ITSN1: variants seen among roughly 807,000 people sequenced by gnomAD.
ITSN1 encodes intersectin-1.
ITSN1 carries 58 observed loss-of-function variants against 239.8 expected under a neutral mutation model. That is an observed-to-expected ratio of 0.24 (90% CI 0.20 to 0.30). The LOEUF (loss-of-function observed/expected upper bound fraction) is 0.30, where lower values mean the gene tolerates loss of function less well. ITSN1 is among the 10% of genes least tolerant of loss of function. ITSN1 has a pLI of 1.00. For synonymous variants in ITSN1, 780 were observed against 770.8 expected (o/e 1.01, Z -0.20); for missense variants, 1,558 against 2,103.3 (o/e 0.74, Z 5.07).
rs3057468 is a variant in ITSN1 at position 33,867,638 on chromosome 21, T to TA, written c.4173+325dup. 1.6e-3 allele frequency among the ~76,000 whole-genome samples: 233 copies of TA among 142,842 alleles called. 1 individual carries two copies. Among genetic ancestry groups the TA allele is most frequent in the South Asian group, 5.0e-3 (22 of 4,424 alleles). 93.7% of individuals were successfully genotyped at this position (142,842 alleles called of 152,430 possible). A position where few individuals can be genotyped will look rare whatever the true frequency, so the allele number is the denominator to read the frequency against. ...CAGCATAATGAGACCCTATCTCTAT[T>TA]AAAAAAAAAAAAAAAAAAGAGAGCT... is the stretch of plus-strand genomic sequence containing the variant. On this transcript the variant is annotated intron_variant, in intron 33 of 39. Transcript: ENST00000381318.
chr21:33,870,394 C>G (rs781492887), intron 33 of ITSN1, among the ~76,000 whole-genome samples: 1 of 152,096 alleles, frequency 6.6e-6, no homozygotes, highest in Non-Finnish European at 1.5e-5. Context: ...GGGAAAAAAA[C>G]TCATTATTTG....
intron 20 of ITSN1, among the ~76,000 whole-genome samples, chr21:33,810,121 A>G (rs903589164): frequency 6.6e-6 from 1 of 152,152 alleles, no homozygotes; most frequent in East Asian, 1.9e-4. Flanking sequence ...AGCAAATGTG[A>G]TTGTCCTCCA....
intron 1 of ITSN1, among the ~76,000 whole-genome samples, chr21:33,701,507 A>G (rs1312438620): frequency 1.3e-5 from 2 of 151,914 alleles, no homozygotes; most frequent in Non-Finnish European, 2.9e-5. Context: ...TTTTTAAAAA[A>G]TTTGGCTGGG....
At chr21:33,691,805 C>T (rs1601664795) in intron 1 of ITSN1, among the ~76,000 whole-genome samples, 1 of 152,180 alleles carries the variant, frequency 6.6e-6, no homozygotes, top group Non-Finnish European at 1.5e-5. Context: ...GATGTCTGTT[C>T]TTATAAGGGT....
chr21:33,689,967 C>CAA (rs577023412), intron 1 of ITSN1, among the ~76,000 whole-genome samples: 4 of 104,178 alleles, frequency 3.8e-5, no homozygotes, highest in Non-Finnish European at 4.0e-5. Context: ...GACTCTGTCT[C>CAA]AAAAAAAAAA....
rs1245810659 is a variant in ITSN1 at position 33,867,271 on chromosome 21, C to T, written c.4113C>T (p.Leu1371=). Residue 1371 remains leucine (L), a synonymous_variant, in exon 33 of 40, where the codon CTC becomes CTT. Transcript: ENST00000381318. ...AMDPRCKGMP[L]SSFILKPMQR... ...ATCCTCGGTGTAAAGGGATGCCACT[C>T]TCTAGTTTTATACTGAAGCCTATGC... The T allele has an allele frequency of 3.1e-6, 5 of 1,610,596 alleles. No homozygotes were observed. The highest frequency in any genetic ancestry group is 4.2e-6 in the Non-Finnish European group (5 of 1,177,008).
chr21:33,879,930 T>G (rs1984627642), intron 34 of ITSN1, among the ~76,000 whole-genome samples: 2 of 152,268 alleles, frequency 1.3e-5, no homozygotes, highest in African/African-American at 2.4e-5. Flanking sequence ...TCTGCCCACC[T>G]CGGCCTCCCA....
chr21:33,723,995 A>G (rs1239864592), intron 4 of ITSN1, among the ~76,000 whole-genome samples: 2 of 152,344 alleles, frequency 1.3e-5, no homozygotes, highest in Non-Finnish European at 2.9e-5. Context: ...AGCACAGTCT[A>G]CAGAACACAA....
At chr21:33,844,929 T>G (rs1472827121) in intron 29 of ITSN1, among the ~76,000 whole-genome samples, 1 of 151,834 alleles carries the variant, frequency 6.6e-6, no homozygotes, top group Admixed American at 6.6e-5. Flanking sequence ...TCCCCTTCCA[T>G]CCTGCATCCT....
chr21:33,718,828 C>T lies in ITSN1; in HGVS notation c.-1C>T. The T allele has an allele frequency of 1.2e-6, 2 of 1,613,348 alleles. No individual in the cohort carries two copies. The highest frequency in any genetic ancestry group is 2.2e-5 in the South Asian group (2 of 90,970). ...ATTAGCAAGGTAAAAGTAACAGAACCATGGCTCAGTTTCCAACACCTTTTG... is the reference window on the plus strand; with the variant it reads ...ATTAGCAAGGTAAAAGTAACAGAACTATGGCTCAGTTTCCAACACCTTTTG... On this transcript the variant is annotated 5_prime_UTR_variant, in exon 2 of 40. Transcript: ENST00000381318.
chr21:33,856,595 TG>T, intron 29 of ITSN1, 140 bp from the exon 30 acceptor site: 2 of 1,103,316 alleles, frequency 1.8e-6, no homozygotes, highest in South Asian at 1.5e-5. Context: ...CACATATTAC[TG>T]GGGAGGACAC....
Position 33,865,041 on chromosome 21 carries a change from C to T in ITSN1, c.3891-110C>T. The T allele has an allele frequency of 1.0e-6, 1 of 1,003,054 alleles. No individual in the cohort carries two copies. 62.1% of individuals were successfully genotyped at this position (1,003,054 alleles called of 1,614,324 possible). ...TCTCCCAAATAGATCCTTTAGTGGC[C>T]CTTAAGGCTGTGCCCCTCACACACA... On this transcript the variant is annotated intron_variant, in intron 31 of 39. Coordinates refer to ENST00000381318, the MANE Select transcript of ITSN1 (RefSeq NM_003024.3). This position sits in a 1 kb window ranked among gnomAD's most constrained non-coding sequence, Gnocchi z 4.4.
intron 5 of ITSN1, among the ~76,000 whole-genome samples, chr21:33,748,727 T>C (rs1429689623): frequency 1.3e-5 from 2 of 151,220 alleles, no homozygotes; most frequent in African/African-American, 4.9e-5. Context: ...AAACTGGGTG[T>C]AGGGATGCAC....
intron 24 of ITSN1, among the ~76,000 whole-genome samples, chr21:33,822,526 C>CA (rs770974162): frequency 5.9e-5 from 9 of 152,070 alleles, no homozygotes; most frequent in Non-Finnish European, 1.2e-4. Context: ...TATCCTGTAC[C>CA]TAGAACCTCC....
chr21:33,742,645 G>C (rs574898223), intron 5 of ITSN1, among the ~76,000 whole-genome samples: 1 of 152,286 alleles, frequency 6.6e-6, no homozygotes, highest in East Asian at 1.9e-4. Context: ...CAAAAGACTG[G>C]CCCAACAAGC....
At chr21:33,799,742 G>A in intron 18 of ITSN1, 66 bp from the exon 19 acceptor site, 6 of 1,562,724 alleles carry the variant, frequency 3.8e-6, no homozygotes, top group Non-Finnish European at 4.4e-6. Flanking sequence ...TGTTTGGCTT[G>A]TTGTCATACA....
intron 29 of ITSN1, among the ~76,000 whole-genome samples, chr21:33,851,778 CTTTTTTTT>C (rs35567402): frequency 9.1e-5 from 6 of 66,206 alleles, no homozygotes; most frequent in Non-Finnish European, 1.6e-4. Context: ...CTTTTCTTTC[CTTTTTTTT>C]TTTTTTTTTT....
At chr21:33,673,887 ATTAT>A (rs1184242769) in intron 1 of ITSN1, among the ~76,000 whole-genome samples, 1 of 152,246 alleles carries the variant, frequency 6.6e-6, no homozygotes, top group East Asian at 1.9e-4. Context: ...AACTATGTTA[ATTAT>A]TACATCAAAC....
At chr21:33,868,200 C>G (rs1982010463) in intron 33 of ITSN1, among the ~76,000 whole-genome samples, 1 of 152,202 alleles carries the variant, frequency 6.6e-6, no homozygotes, top group Non-Finnish European at 1.5e-5. Flanking sequence ...AATCCCTGAG[C>G]TAGACATAAA....
Sources: gnomAD v4.1 joint callset for allele counts (sites outside exome capture counted in the v4.1 genomes callset) on GRCh38, gnomAD v4.1.1 for gene constraint, Gnocchi (gnomAD v3.1) non-coding constraint, MANE v1.5 for transcripts, NCBI Gene and HGNC (gene_info 2026-07-23, HGNC 2026-07-21) for gene names.